The following CCDC38 variants were observed in gnomAD, a reference collection of about 807,000 sequenced individuals.
CCDC38 encodes the protein coiled-coil domain containing 38.
CCDC38 carries 69 observed loss-of-function variants against 72.8 expected under a neutral mutation model. The observed-to-expected ratio is 0.95, with a 90% CI of 0.78 to 1.16. CCDC38 has a LOEUF of 1.16. Ranked by LOEUF, CCDC38 falls within the 50% of genes most tolerant of loss-of-function variation. The pLI is 0.00. For missense variants in CCDC38, 626 were observed against 638.9 expected (o/e 0.98, Z 0.22); for synonymous variants, 201 against 213.2 (o/e 0.94, Z 0.50).
rs377401788 is a variant in CCDC38, at chr12:95,915,502, G to T, written c.304+1627C>A. Among the ~76,000 whole-genome samples the T allele has an allele frequency of 1.3e-3, 198 of 152,318 alleles. 7 individuals are homozygous for T. The South Asian group carries it at 0.041, about 31-fold the overall frequency. On this transcript the variant is annotated intron_variant, in intron 4 of 15. Coordinates refer to ENST00000344280, the MANE Select transcript of CCDC38 (RefSeq NM_182496.3). ...ACTTAGTTGTGCATGTGATTTCTTT[G>T]ATGGGCACCGAGCAGTTTGCCACTT...
intron 9 of CCDC38, 70 bp from the exon 10 acceptor site, chr12:95,888,576 G>T (rs1246556253): frequency 1.4e-6 from 2 of 1,423,484 alleles, no homozygotes; most frequent in African/African-American, 2.8e-5. Flanking sequence ...CATGGAATTA[G>T]AAATGAGCCC....
intron 8 of CCDC38, among the ~76,000 whole-genome samples, chr12:95,891,184 G>C (rs1051950497): frequency 3.9e-5 from 6 of 152,228 alleles, no homozygotes; most frequent in Admixed American, 3.3e-4. Context: ...AAGAGAATGT[G>C]TGAGAACTGA....
chr12:95,919,994 A>G (rs1443887722), intron 2 of CCDC38, among the ~76,000 whole-genome samples: 2 of 152,226 alleles, frequency 1.3e-5, no homozygotes, highest in East Asian at 1.9e-4. Flanking sequence ...GATATACCAA[A>G]GAGAAATGAA....
chr12:95,877,887 C>A (rs1000005429), intron 13 of CCDC38, among the ~76,000 whole-genome samples: 2 of 152,144 alleles, frequency 1.3e-5, no homozygotes, highest in Admixed American at 6.5e-5. Context: ...CCTGGAATTA[C>A]CACCAAAATG....
intron 8 of CCDC38, among the ~76,000 whole-genome samples, chr12:95,894,446 C>A (rs1378727856): frequency 6.6e-6 from 1 of 152,110 alleles, no homozygotes; most frequent in Non-Finnish European, 1.5e-5. Context: ...AATTTGGTCC[C>A]CAATGTCAGA....
chr12:95,908,666 AGAGGGAGAGGGAGAGGGG>A lies in CCDC38; in HGVS notation c.305-2233_305-2216del. The stretch of plus-strand genomic sequence containing the variant: ...AGGGAGAGGGAGAGGGAGGAGAGGG[AGAGGGAGAGGGAGAGGGG>A]GCTGTCAAAATTCTTATCCAAGGTC... On this transcript the variant is annotated intron_variant, in intron 4 of 15. Transcript: ENST00000344280. 3.9e-4 allele frequency among the ~76,000 whole-genome samples: 30 copies of A among 77,520 alleles called. 11 individuals carry two copies. Among genetic ancestry groups the A allele is most frequent in the African/African-American group, 1.7e-3 (29 of 17,228 alleles). 50.9% of individuals were successfully genotyped at this position (77,520 alleles called of 152,430 possible).
At chr12:95,897,180 G>C (rs2079898661) in intron 7 of CCDC38, among the ~76,000 whole-genome samples, 1 of 152,190 alleles carries the variant, frequency 6.6e-6, no homozygotes, top group African/African-American at 2.4e-5. Flanking sequence ...CCTAGTTCTA[G>C]AGGGGAGGTA....
intron 2 of CCDC38, among the ~76,000 whole-genome samples, chr12:95,925,315 G>T (rs1330202844): frequency 6.6e-6 from 1 of 152,140 alleles, no homozygotes; most frequent in Non-Finnish European, 1.5e-5. Context: ...GTGAATGAGA[G>T]TTCACTCCTG....
At chr12:95,898,281 C>A in intron 7 of CCDC38, 104 bp downstream of exon 7, 1 of 1,114,150 alleles carries the variant, frequency 9.0e-7, no homozygotes, top group Non-Finnish European at 1.4e-6. Flanking sequence ...CTTATGACAT[C>A]ATCAACTGAT....
At chr12:95,901,338 T>C (rs1592777862) in intron 5 of CCDC38, among the ~76,000 whole-genome samples, 2 of 152,196 alleles carry the variant, frequency 1.3e-5, no homozygotes, top group South Asian at 4.2e-4. Flanking sequence ...AAGAGTATAT[T>C]AGGGGCGGAG....
At chr12:95,896,055 CAAAAAA>C (rs1169899419) in intron 7 of CCDC38, among the ~76,000 whole-genome samples, 9 of 73,056 alleles carry the variant, frequency 1.2e-4, no homozygotes, top group Non-Finnish European at 2.5e-4. Flanking sequence ...GACTCTGTCT[CAAAAAA>C]AAAAAAAAAA....
At chr12:95,940,899 AAAAC>A in intron 1 of CCDC38, among the ~76,000 whole-genome samples, 1 of 151,722 alleles carries the variant, frequency 6.6e-6, no homozygotes, top group Non-Finnish European at 1.5e-5. Context: ...AACAAAAAAA[AAAAC>A]TGGAGGTCAA....
At chr12:95,906,335 A>G (rs1271893363) in intron 5 of CCDC38, 52 bp downstream of exon 5, 7 of 1,224,896 alleles carry the variant, frequency 5.7e-6, no homozygotes, top group Admixed American at 3.6e-5. Flanking sequence ...ATTTGAAAAC[A>G]CTATGAAAGA....
At position 95,936,533 on chromosome 12, in the gene CCDC38, G is replaced by GAA; in HGVS notation, c.-14-12_-14-11dup. On this transcript the variant is annotated splice_polypyrimidine_tract_variant and intron_variant, in intron 1 of 15. Coordinates refer to ENST00000344280, the MANE Select transcript of CCDC38 (RefSeq NM_182496.3). ...ATTTTCTTGCCTGGCCCTGTTGAAA[G>GAA]AAAAAAAAATACGTTTTTTAAAAAT... 1.3e-6 allele frequency: 2 copies of GAA among 1,589,598 alleles called. No individual in the cohort carries two copies. Among genetic ancestry groups the GAA allele is most frequent in the Non-Finnish European group, 8.6e-7 (1 of 1,167,820 alleles).
chr12:95,893,424 TCCC>T (rs2079851079), intron 8 of CCDC38, among the ~76,000 whole-genome samples: 2 of 53,768 alleles, frequency 3.7e-5, no homozygotes, highest in Non-Finnish European at 6.9e-5. Context: ...CCTCCCTCCC[TCCC>T]TCCCTCCCTC....
At chr12:95,887,253 A>G (rs545687826) in intron 10 of CCDC38, among the ~76,000 whole-genome samples, 2 of 152,314 alleles carry the variant, frequency 1.3e-5, no homozygotes, top group Non-Finnish European at 2.9e-5. Context: ...CAGGCATTAC[A>G]TTATAATTAT....
chr12:95,880,123 A>T (rs2079683191), intron 11 of CCDC38: 1 of 180,168 alleles, frequency 5.6e-6, no homozygotes, highest in Admixed American at 6.2e-5. Flanking sequence ...GAAAGATGAC[A>T]GGAGGCTGAG....
chr12:95,931,407 T>C (rs1210857644), intron 2 of CCDC38, among the ~76,000 whole-genome samples: 1 of 152,244 alleles, frequency 6.6e-6, no homozygotes, highest in Non-Finnish European at 1.5e-5. Context: ...GCAAAGTCCC[T>C]TTTGCCATGT....
intron 7 of CCDC38, 73 bp from the exon 8 acceptor site, chr12:95,895,219 A>G (rs990573): frequency 0.057 from 63,650 of 1,122,710 alleles, 3,286 homozygotes; most frequent in African/African-American, 0.25. Flanking sequence ...AAATTTTTAT[A>G]AAATTGTTTC....
Sources: allele counts gnomAD v4.1 joint callset (sites outside exome capture counted in the v4.1 genomes callset), GRCh38; gene constraint gnomAD v4.1.1; transcripts MANE v1.5; gene names NCBI Gene and HGNC (gene_info 2026-07-23, HGNC 2026-07-21).